GALK2: variants seen among roughly 807,000 people sequenced by gnomAD.
GALK2 encodes the protein N-acetylgalactosamine kinase.
A neutral mutation model predicts 52.4 loss-of-function variants in GALK2; 36 were observed. The observed-to-expected ratio is 0.69, with a 90% CI of 0.53 to 0.91. The LOEUF is 0.91. Ranked by LOEUF, GALK2 falls within the 40% of genes least tolerant of loss-of-function variation. GALK2 has a pLI of 0.00. For missense variants in GALK2, 579 were observed against 559.1 expected, an observed-to-expected ratio of 1.04 and a Z score of -0.36; for synonymous variants, 176 against 199.1, an observed-to-expected ratio of 0.88 and a Z score of 0.98.
At chr15:49,187,111 G>A (rs918563290) in intron 1 of GALK2, among the ~76,000 whole-genome samples, 21 of 152,152 alleles carry the variant, frequency 1.4e-4, no homozygotes, top group Non-Finnish European at 2.4e-4. Flanking sequence ...TGAGTATTAC[G>A]ATCTAAGTCT....
At chr15:49,171,813 C>A (rs997606953) in intron 1 of GALK2, among the ~76,000 whole-genome samples, 1 of 151,300 alleles carries the variant, frequency 6.6e-6, no homozygotes, top group Admixed American at 6.6e-5. Context: ...GTTCTGTTGC[C>A]CAGGCTGGAG....
rs774318678 is a variant in GALK2, at chr15:49,328,674, C to T, written c.*515C>T. 5.2e-5 allele frequency: 81 copies of T among 1,555,252 alleles called. 1 individual carries two copies. Among genetic ancestry groups the T allele is most frequent in the East Asian group, 1.2e-4 (5 of 41,690 alleles). The stretch of plus-strand genomic sequence containing the variant: ...TTCTCTCTCAATTTCAGCTTCGGAA[C>T]GCTATGAAAATAATACATGATTAAA... On this transcript the variant is annotated 3_prime_UTR_variant, in exon 10 of 10. Transcript: ENST00000560031.
chr15:49,168,388 A>G (rs2084892368), upstream of GALK2, among the ~76,000 whole-genome samples: 1 of 152,144 alleles, frequency 6.6e-6, no homozygotes, highest in Non-Finnish European at 1.5e-5. Context: ...TTATTTTTCA[A>G]CTAATGCAAA....
At chr15:49,279,409 G>A (rs527980087) in intron 5 of GALK2, among the ~76,000 whole-genome samples, 88 of 152,248 alleles carry the variant, frequency 5.8e-4, no homozygotes, top group African/African-American at 2.0e-3. Flanking sequence ...CTTTGAGGTA[G>A]TGAAAAATAG....
rs35507772 is a variant in GALK2 at position 49,282,026 on chromosome 15, A to G, written c.544A>G (p.Ile182Val). 1,825 of 1,613,804 alleles carry G rather than the reference A, an allele frequency of 1.1e-3. 21 individuals carry two copies. The African/African-American group carries it at 0.021, about 19-fold the overall frequency. Residue 182 changes from isoleucine (I) to valine (V), a missense_variant, in exon 6 of 10, where the codon ATT (isoleucine) becomes GTT (valine). Transcript: ENST00000560031. ...AATCTGTGCCAAGAGTGAGCGTTAC[A>G]TTGGCACTGAAGGAGGAGGCATGGA... ...AEICAKSERY[I>V]GTEGGGMDQS...
intron 1 of GALK2, chr15:49,178,832 T>C (rs2085734782): frequency 5.4e-6 from 1 of 184,944 alleles, no homozygotes; most frequent in Non-Finnish European, 1.2e-5. Flanking sequence ...GGCTAGAAAA[T>C]TTTCTGAGTG....
Position 49,239,313 on chromosome 15 carries a change from G to C in GALK2, c.450G>C (p.Leu150Phe), listed in dbSNP as rs573578687. The C allele has an allele frequency of 1.2e-6, 2 of 1,614,042 alleles. No individual in the cohort carries two copies. Among genetic ancestry groups the C allele is most frequent in the African/African-American group, 1.3e-5 (1 of 75,016 alleles). ...PSSGLSSSSA[L>F]VCCAGLVTLT... is the part of the protein sequence containing the mutation. ...CTGGCCTCTCCAGCTCCAGTGCTTT[G>C]GTCTGTTGTGCTGGCTTGGTGACGC... The change falls in exon 5 of 10, where the codon TTG (leucine) becomes TTC (phenylalanine). Residue 150 changes from leucine (L) to phenylalanine (F), a missense_variant. Transcript: ENST00000560031.
At chr15:49,332,114 C>T (rs569476419), downstream of GALK2, among the ~76,000 whole-genome samples, 7 of 149,252 alleles carry the variant, frequency 4.7e-5, no homozygotes, top group East Asian at 1.0e-3. Flanking sequence ...CACACACACA[C>T]ACACATCCAC....
intron 3 of GALK2, among the ~76,000 whole-genome samples, chr15:49,360,989 A>G (rs1210050018): frequency 2.0e-5 from 3 of 152,110 alleles, no homozygotes; most frequent in Non-Finnish European, 4.4e-5. Context: ...ATTTAGGCAA[A>G]TCACTCCTTA....
intron 5 of GALK2, among the ~76,000 whole-genome samples, chr15:49,262,676 G>C (rs2092176751): frequency 6.7e-6 from 1 of 148,236 alleles, no homozygotes; most frequent in South Asian, 2.2e-4. Flanking sequence ...GTCAATTTTG[G>C]ATCTTTCCTG....
intron 7 of GALK2, among the ~76,000 whole-genome samples, chr15:49,284,126 A>G (rs2141773874): frequency 6.6e-6 from 1 of 152,228 alleles, no homozygotes; most frequent in Admixed American, 6.5e-5. Flanking sequence ...AAAATACAGG[A>G]TTGGTGAAGT....
chr15:49,301,261 T>C (rs1466286455), intron 8 of GALK2, among the ~76,000 whole-genome samples: 1 of 152,194 alleles, frequency 6.6e-6, no homozygotes, highest in Admixed American at 6.5e-5. Context: ...AATAATTAGA[T>C]TTAGAAATGC....
chr15:49,324,563 A>G (rs2151096005), intron 9 of GALK2, among the ~76,000 whole-genome samples: 1 of 152,218 alleles, frequency 6.6e-6, no homozygotes, highest in African/African-American at 2.4e-5. Context: ...ACATGTGGGC[A>G]TATTTTCTTA....
chr15:49,315,795 G>A (rs966176906), intron 8 of GALK2, among the ~76,000 whole-genome samples: 50 of 152,172 alleles, frequency 3.3e-4, no homozygotes, highest in Admixed American at 2.2e-3. Context: ...GAAGAGAACA[G>A]ATTCAGGAAG....
At chr15:49,192,485 GTATATATATATA>G (rs58230206) in intron 1 of GALK2, among the ~76,000 whole-genome samples, 23,415 of 103,052 alleles carry the variant, frequency 0.23, 2,549 homozygotes, top group South Asian at 0.3. Context: ...ATATATATAT[GTATATATATATA>G]TATATATATA....
chr15:49,200,912 A>G (rs2087698006), intron 1 of GALK2, among the ~76,000 whole-genome samples: 2 of 152,120 alleles, frequency 1.3e-5, no homozygotes, highest in Non-Finnish European at 2.9e-5. Context: ...TTAACTTTTA[A>G]ATTCTTCAGT....
Position 49,328,142 on chromosome 15 carries a change from GT to G in GALK2, c.1364del (p.Leu455CysfsTer8). The G allele has an allele frequency of 6.2e-7, 1 of 1,613,834 alleles. No individual in the cohort carries two copies. The highest frequency in any genetic ancestry group is 8.5e-7 in the Non-Finnish European group (1 of 1,179,896). On this transcript the variant is annotated frameshift_variant, in exon 10 of 10. Transcript: ENST00000560031. LOFTEE classifies it high-confidence loss of function. Reference protein sequence around the residue: ...FATKPGGGALVLLEA With the variant: ...FATKPGGGALXLLEA ...TACCAAACCTGGAGGTGGGGCTTTG[GT>G]TTTGCTTGAGGCCTGAAAAAATGTA...
chr15:49,316,098 A>G (rs1459160151), intron 8 of GALK2, among the ~76,000 whole-genome samples: 1 of 152,190 alleles, frequency 6.6e-6, no homozygotes, highest in Non-Finnish European at 1.5e-5. Context: ...CTAAACTACT[A>G]AATTCTTGAT....
rs545421612 is a variant in GALK2, at chr15:49,253,737, T to C, written c.504+14370T>C. ...GGAGCCTAGCTATAGGAGTGTTTACTTAGGACTCTAGACTTTATGTTATAT... is the reference window on the plus strand; with the variant it reads ...GGAGCCTAGCTATAGGAGTGTTTACCTAGGACTCTAGACTTTATGTTATAT... On this transcript the variant is annotated intron_variant, in intron 5 of 9. Transcript: ENST00000560031. Among the ~76,000 whole-genome samples, 3 of 144,284 alleles carry C rather than the reference T, an allele frequency of 2.1e-5. 1 individual carries two copies. The South Asian group carries it at 6.8e-4, about 33-fold the overall frequency. 94.7% of individuals were successfully genotyped at this position (144,284 alleles called of 152,430 possible).
Sources: gnomAD v4.1 joint callset for allele counts (sites outside exome capture counted in the v4.1 genomes callset) on GRCh38, gnomAD v4.1.1 for gene constraint, MANE v1.5 for transcripts, NCBI Gene and HGNC (gene_info 2026-07-23, HGNC 2026-07-21) for gene names.